The following GALNT13 variants were observed in gnomAD, a reference collection of about 807,000 sequenced individuals.
The protein encoded by GALNT13 is polypeptide N-acetylgalactosaminyltransferase 13, also known as UDP-GalNAc:polypeptide N-acetylgalactosaminyltransferase 13.
In GALNT13, 28 loss-of-function variants were observed where a neutral mutation model predicts 64.2. The ratio of observed to expected loss-of-function variants is 0.44; its 90% confidence interval spans 0.32 to 0.60. The LOEUF (loss-of-function observed/expected upper bound fraction) is 0.60. Among genes scored for constraint, GALNT13 ranks in the 20% least tolerant of loss-of-function variants. The pLI, the probability that GALNT13 is intolerant of heterozygous loss-of-function variation, is 0.05. For missense variants in GALNT13, 577 were observed against 669.8 expected (o/e 0.86, Z 1.53); for synonymous variants, 214 against 224.6 (o/e 0.95, Z 0.42).
chr2:153,970,675 A>G (rs779042989), intron 3 of GALNT13, among the ~76,000 whole-genome samples: 35 of 152,124 alleles, frequency 2.3e-4, no homozygotes, highest in Non-Finnish European at 4.9e-4. Flanking sequence ...CAAACTTACC[A>G]TATCCAAAAC....
the GALNT13 span, among the ~76,000 whole-genome samples, chr2:153,448,224 T>C: frequency 6.6e-6 from 1 of 152,202 alleles, no homozygotes; most frequent in African/African-American, 2.4e-5. Flanking sequence ...TCGTTGTATG[T>C]AGTGAAGCAT....
the GALNT13 span, among the ~76,000 whole-genome samples, chr2:153,565,294 A>G: frequency 6.6e-6 from 1 of 152,202 alleles, no homozygotes; most frequent in Non-Finnish European, 1.5e-5. Context: ...AGGTGCTTTG[A>G]CTATGTGATC....
chr2:154,309,847 C>T (rs527969528), intron 9 of GALNT13, among the ~76,000 whole-genome samples: 1 of 152,280 alleles, frequency 6.6e-6, no homozygotes, highest in Non-Finnish European at 1.5e-5. Flanking sequence ...TCACTGGTCT[C>T]TTATTTTCCT....
the GALNT13 span, among the ~76,000 whole-genome samples, chr2:153,297,722 G>T: frequency 2.6e-5 from 4 of 152,172 alleles, no homozygotes; most frequent in Non-Finnish European, 4.4e-5. Context: ...AGTCATTCAG[G>T]CTCCACTAAA....
At chr2:153,823,520 A>G in the GALNT13 span, among the ~76,000 whole-genome samples, 3 of 152,214 alleles carry the variant, frequency 2.0e-5, no homozygotes, top group South Asian at 6.2e-4. Flanking sequence ...CAATGGGGAA[A>G]GGACCCCCTA....
chr2:154,240,431 C>T (rs960014251), intron 4 of GALNT13, among the ~76,000 whole-genome samples: 19 of 152,276 alleles, frequency 1.2e-4, no homozygotes, highest in East Asian at 7.7e-4. Context: ...GGGAGCTTTT[C>T]GGAAATGCAG....
the GALNT13 span, among the ~76,000 whole-genome samples, chr2:153,104,349 A>G: frequency 6.6e-6 from 1 of 152,180 alleles, no homozygotes; most frequent in Middle Eastern, 3.2e-3. Context: ...CAACATTTCA[A>G]AGTTTTTAAA....
the GALNT13 span, among the ~76,000 whole-genome samples, chr2:153,259,217 A>G: frequency 6.6e-6 from 1 of 152,240 alleles, no homozygotes; most frequent in Non-Finnish European, 1.5e-5. Context: ...CTTGAAATCT[A>G]TCTTGTCTGA....
At chr2:153,873,286 G>A (rs1046522054) in intron 1 of GALNT13, among the ~76,000 whole-genome samples, 10 of 152,194 alleles carry the variant, frequency 6.6e-5, no homozygotes, top group Non-Finnish European at 4.4e-5. Flanking sequence ...GGTTAGAGTG[G>A]AGGGCACCGC....
At chr2:153,560,113 C>T in the GALNT13 span, among the ~76,000 whole-genome samples, 6 of 152,042 alleles carry the variant, frequency 3.9e-5, no homozygotes, top group Admixed American at 3.9e-4. Context: ...ATTTTGCACC[C>T]CAGACCTGGT....
intron 3 of GALNT13, among the ~76,000 whole-genome samples, chr2:153,983,567 G>T (rs533574280): frequency 1.3e-5 from 2 of 151,936 alleles, no homozygotes; most frequent in South Asian, 2.1e-4. Context: ...TAAATGGATG[G>T]TTTTATGTTT....
chr2:154,060,265 C>T (rs985022587), intron 3 of GALNT13, among the ~76,000 whole-genome samples: 1 of 152,206 alleles, frequency 6.6e-6, no homozygotes, highest in Non-Finnish European at 1.5e-5. Flanking sequence ...ATAGCTTGAG[C>T]TGACTAAGAT....
At chr2:153,814,991 C>T in the GALNT13 span, among the ~76,000 whole-genome samples, 123 of 152,170 alleles carry the variant, frequency 8.1e-4, 1 homozygote, top group African/African-American at 2.6e-3. Context: ...ACAATTCAAC[C>T]CCCTGTAAAT....
At chr2:153,718,262 AG>A in the GALNT13 span, among the ~76,000 whole-genome samples, 1 of 152,308 alleles carries the variant, frequency 6.6e-6, no homozygotes, top group Middle Eastern at 3.4e-3. Context: ...TGCAAAACAC[AG>A]AAAACAAACA....
At chr2:153,791,495 C>T in the GALNT13 span, among the ~76,000 whole-genome samples, 1 of 152,230 alleles carries the variant, frequency 6.6e-6, no homozygotes, top group South Asian at 2.1e-4. Context: ...TAAATTTCCT[C>T]AACCATTGTG....
chr2:154,202,351 T>C (rs1011992843), intron 4 of GALNT13, among the ~76,000 whole-genome samples: 1 of 152,034 alleles, frequency 6.6e-6, no homozygotes, highest in African/African-American at 2.4e-5. Flanking sequence ...GTTCTATTTT[T>C]CAGGGAATGC....
intron 3 of GALNT13, among the ~76,000 whole-genome samples, chr2:153,980,395 A>G (rs1694381710): frequency 6.6e-6 from 1 of 152,190 alleles, no homozygotes; most frequent in African/African-American, 2.4e-5. Flanking sequence ...ATATTAGAGT[A>G]GCTTGGAAAT....
the GALNT13 span, among the ~76,000 whole-genome samples, chr2:153,389,235 A>T: frequency 6.6e-6 from 1 of 152,134 alleles, no homozygotes; most frequent in African/African-American, 2.4e-5. Context: ...TTTGAGAGCT[A>T]CAGTCCCCTG....
At chr2:153,585,221 T>C in the GALNT13 span, among the ~76,000 whole-genome samples, 1 of 152,150 alleles carries the variant, frequency 6.6e-6, no homozygotes, top group African/African-American at 2.4e-5. Flanking sequence ...AGGAGATAGA[T>C]ATTTACAAAA....
Sources: gnomAD v4.1 joint callset for allele counts (sites outside exome capture counted in the v4.1 genomes callset) on GRCh38, gnomAD v4.1.1 for gene constraint, MANE v1.5 for transcripts, NCBI Gene and HGNC (gene_info 2026-07-23, HGNC 2026-07-21) for gene names.